The following MEI4 variants were observed in gnomAD, a reference collection of about 807,000 sequenced individuals.
MEI4 encodes meiotic double-stranded break formation protein 4.
In MEI4, 27 loss-of-function variants were observed where a neutral mutation model predicts 31.4. The observed-to-expected ratio is 0.86, with a 90% CI of 0.63 to 1.19. The LOEUF is 1.19. Ranked by LOEUF, MEI4 falls within the 50% of genes most tolerant of loss-of-function variation. The pLI, the probability that MEI4 is intolerant of heterozygous loss-of-function variation, is 0.00. For synonymous variants in MEI4, 122 were observed against 145.4 expected, an observed-to-expected ratio of 0.84 and a Z score of 1.16; for missense variants, 329 against 398.9, an observed-to-expected ratio of 0.82 and a Z score of 1.49.
At chr6:77,743,533 G>C (rs1027728608) in intron 2 of MEI4, among the ~76,000 whole-genome samples, 6 of 152,090 alleles carry the variant, frequency 3.9e-5, no homozygotes, top group African/African-American at 1.4e-4. Flanking sequence ...TGAGATGACG[G>C]GGTTTTCTAG....
rs1766804989 is a variant in MEI4, at chr6:77,924,720, CA to C, written c.*1376del. ...GTGGAAGCTCCTCTCATGGCAGTGG[CA>C]ATTGAGCAAGACGAAAGGCTAGGCT... On this transcript the variant is annotated 3_prime_UTR_variant, in exon 5 of 5. Transcript: ENST00000684080. 1 of 151,720 alleles carries C rather than the reference CA, an allele frequency of 6.6e-6. No homozygotes were observed. Among genetic ancestry groups the C allele is most frequent in the Non-Finnish European group, 1.5e-5 (1 of 67,858 alleles). The allele number at this position is 151,720 out of a possible 1,614,324, so 9.4% of individuals were successfully genotyped here.
chr6:77,909,029 C>A (rs1766367271), intron 4 of MEI4, among the ~76,000 whole-genome samples: 1 of 152,084 alleles, frequency 6.6e-6, no homozygotes. Context: ...GAACTCTCCA[C>A]CCCAAATCAA....
chr6:77,667,803 A>C (rs1454913239), intron 1 of MEI4, among the ~76,000 whole-genome samples: 1 of 152,116 alleles, frequency 6.6e-6, no homozygotes, highest in Non-Finnish European at 1.5e-5. Context: ...TCAGTGACAA[A>C]GATTCAGAAT....
chr6:77,665,739 G>GA (rs1554207930), intron 1 of MEI4, among the ~76,000 whole-genome samples: 1 of 152,176 alleles, frequency 6.6e-6, no homozygotes, highest in Non-Finnish European at 1.5e-5. Flanking sequence ...GTCTCGCCCG[G>GA]AAAATGAAAG....
At chr6:77,739,054 A>C (rs1767327772) in intron 2 of MEI4, among the ~76,000 whole-genome samples, 1 of 151,852 alleles carries the variant, frequency 6.6e-6, no homozygotes, top group Admixed American at 6.6e-5. Context: ...TATGATGATA[A>C]TTTCTTTTGC....
chr6:77,784,725 A>G (rs923718577), intron 3 of MEI4, among the ~76,000 whole-genome samples: 10 of 152,198 alleles, frequency 6.6e-5, no homozygotes, highest in African/African-American at 2.2e-4. Context: ...TTAAATGTAA[A>G]TGTCAAATTA....
chr6:77,687,408 G>A (rs1275104085), intron 1 of MEI4, among the ~76,000 whole-genome samples: 3 of 152,056 alleles, frequency 2.0e-5, no homozygotes, highest in African/African-American at 7.2e-5. Context: ...AGGAAGCTGG[G>A]GTGTTTTCCA....
intron 2 of MEI4, among the ~76,000 whole-genome samples, chr6:77,746,060 A>G (rs553778083): frequency 1.5e-4 from 23 of 152,334 alleles, no homozygotes; most frequent in African/African-American, 5.5e-4. Flanking sequence ...AATTAAAAGA[A>G]CTAGAAAAGC....
At chr6:77,782,401 A>G (rs1397112536) in intron 3 of MEI4, among the ~76,000 whole-genome samples, 3 of 152,188 alleles carry the variant, frequency 2.0e-5, no homozygotes, top group Non-Finnish European at 2.9e-5. Flanking sequence ...AGTTATTGTT[A>G]TATAAAAAAT....
At chr6:77,733,391 C>T (rs964736710) in intron 2 of MEI4, among the ~76,000 whole-genome samples, 3 of 152,016 alleles carry the variant, frequency 2.0e-5, no homozygotes, top group Non-Finnish European at 4.4e-5. Context: ...TCCATTTCTT[C>T]TAGATTTTCT....
chr6:77,897,684 T>C (rs1215044922), intron 4 of MEI4, among the ~76,000 whole-genome samples: 1 of 151,920 alleles, frequency 6.6e-6, no homozygotes, highest in Non-Finnish European at 1.5e-5. Context: ...AGAACTAGTC[T>C]CATGGATTCA....
chr6:77,697,181 C>T (rs1001412270), intron 2 of MEI4, among the ~76,000 whole-genome samples: 255 of 152,066 alleles, frequency 1.7e-3, no homozygotes, highest in Non-Finnish European at 3.0e-3. Flanking sequence ...GTGTTGCTAG[C>T]GGTCTATCAA....
chr6:77,779,299 C>T (rs970470233), intron 3 of MEI4, among the ~76,000 whole-genome samples: 5 of 152,294 alleles, frequency 3.3e-5, no homozygotes, highest in Admixed American at 2.0e-4. Flanking sequence ...CTGCATGCTA[C>T]TCAGAGGCTT....
At chr6:77,877,826 A>T (rs1178212099) in intron 4 of MEI4, among the ~76,000 whole-genome samples, 1 of 151,398 alleles carries the variant, frequency 6.6e-6, no homozygotes, top group Non-Finnish European at 1.5e-5. Context: ...TTATTGAGAC[A>T]CAATAAGAAA....
chr6:77,666,691 T>C (rs909030173), intron 1 of MEI4, among the ~76,000 whole-genome samples: 1 of 152,188 alleles, frequency 6.6e-6, no homozygotes, highest in Non-Finnish European at 1.5e-5. Flanking sequence ...AGCCGTTATG[T>C]TAGTCTTGCT....
intron 4 of MEI4, among the ~76,000 whole-genome samples, chr6:77,833,433 T>C (rs1770131424): frequency 6.6e-6 from 1 of 152,182 alleles, no homozygotes. Flanking sequence ...GATATCTAGA[T>C]AGTATGTGAT....
chr6:77,906,453 T>C (rs1766298497), intron 4 of MEI4, among the ~76,000 whole-genome samples: 1 of 152,208 alleles, frequency 6.6e-6, no homozygotes, highest in Non-Finnish European at 1.5e-5. Flanking sequence ...TCAAGGTTGA[T>C]GAAGATTGCA....
At chr6:77,865,573 T>C (rs920781513) in intron 4 of MEI4, among the ~76,000 whole-genome samples, 2 of 152,144 alleles carry the variant, frequency 1.3e-5, no homozygotes, top group Non-Finnish European at 2.9e-5. Flanking sequence ...GCTCTGAAAT[T>C]GAGGCAATAA....
intron 4 of MEI4, among the ~76,000 whole-genome samples, chr6:77,889,429 T>G (rs571071479): frequency 3.9e-5 from 6 of 152,274 alleles, no homozygotes; most frequent in Admixed American, 1.3e-4. Flanking sequence ...GCAGCATTTT[T>G]CCCCTGTCCT....
Sources: gnomAD v4.1 joint callset for allele counts (sites outside exome capture counted in the v4.1 genomes callset) on GRCh38, gnomAD v4.1.1 for gene constraint, MANE v1.5 for transcripts, NCBI Gene and HGNC (gene_info 2026-07-23, HGNC 2026-07-21) for gene names.